Variants in TPST1 observed in about 807,000 individuals in gnomAD.
The protein encoded by TPST1 is tyrosylprotein sulfotransferase 1.
Under a neutral mutation model 34.8 loss-of-function variants are expected in TPST1, and 20 were observed. The observed-to-expected ratio is 0.57, with a 90% CI of 0.40 to 0.84. The LOEUF is 0.84. TPST1 is among the 40% of genes least tolerant of loss of function. TPST1 has a pLI of 0.00. For missense variants in TPST1, 353 were observed against 455.5 expected, an observed-to-expected ratio of 0.78 and a Z score of 2.05; for synonymous variants, 152 against 159.4, an observed-to-expected ratio of 0.95 and a Z score of 0.35.
chr7:66,278,907 A>G (rs1175375152), intron 2 of TPST1, among the ~76,000 whole-genome samples: 1 of 152,256 alleles, frequency 6.6e-6, no homozygotes, highest in Non-Finnish European at 1.5e-5. Context: ...AAACATACAT[A>G]TAACATGCAT....
intron 3 of TPST1, among the ~76,000 whole-genome samples, chr7:66,300,674 AG>A (rs1791296430): frequency 6.6e-6 from 1 of 152,204 alleles, no homozygotes; most frequent in Non-Finnish European, 1.5e-5. Context: ...GGCCAGGTGC[AG>A]TGTCTTAAAC....
intron 4 of TPST1, among the ~76,000 whole-genome samples, chr7:66,355,200 G>A (rs1792558059): frequency 6.6e-6 from 1 of 151,920 alleles, no homozygotes; most frequent in African/African-American, 2.4e-5. Flanking sequence ...GGAGCCGAGT[G>A]CAGTGACTCA....
chr7:66,217,038 A>T (rs937786608), intron 1 of TPST1, among the ~76,000 whole-genome samples: 1 of 151,656 alleles, frequency 6.6e-6, no homozygotes, highest in African/African-American at 2.4e-5. Context: ...ATTTTATTTC[A>T]TTTTGGTCAG....
intron 2 of TPST1, among the ~76,000 whole-genome samples, chr7:66,271,800 T>C (rs1159930785): frequency 6.6e-6 from 1 of 152,210 alleles, no homozygotes; most frequent in African/African-American, 2.4e-5. Flanking sequence ...ACCATTTCTT[T>C]AGCCATTCAT....
upstream of TPST1, among the ~76,000 whole-genome samples, chr7:66,203,138 T>C: frequency 6.6e-6 from 1 of 151,532 alleles, no homozygotes; most frequent in East Asian, 1.9e-4. Context: ...TCAGTTTTCT[T>C]ATCTATCTCT....
intron 3 of TPST1, among the ~76,000 whole-genome samples, chr7:66,318,667 A>G (rs1187406492): frequency 6.6e-6 from 1 of 152,064 alleles, no homozygotes; most frequent in East Asian, 1.9e-4. Flanking sequence ...GGGTTTCACC[A>G]TGTTGCCCAG....
intron 3 of TPST1, among the ~76,000 whole-genome samples, chr7:66,298,952 G>A (rs750782329): frequency 4.6e-5 from 7 of 151,824 alleles, no homozygotes; most frequent in Non-Finnish European, 7.4e-5. Context: ...TGAAACCCCC[G>A]TCTCTACTAA....
chr7:66,201,626 G>T (rs1428321172), upstream of TPST1, among the ~76,000 whole-genome samples: 1 of 151,934 alleles, frequency 6.6e-6, no homozygotes, highest in Non-Finnish European at 1.5e-5. Flanking sequence ...GGGAGGCAGA[G>T]GTTGCAGTCA....
intron 3 of TPST1, among the ~76,000 whole-genome samples, chr7:66,294,125 T>C (rs955370724): frequency 1.3e-5 from 2 of 152,224 alleles, no homozygotes; most frequent in African/African-American, 4.8e-5. Flanking sequence ...CCACCGTCCA[T>C]CTCCAGAACA....
intron 3 of TPST1, among the ~76,000 whole-genome samples, chr7:66,326,032 G>A (rs1369738375): frequency 6.6e-6 from 1 of 152,208 alleles, no homozygotes; most frequent in East Asian, 1.9e-4. Context: ...GTTGTATCCA[G>A]CAGGTTGCAA....
intron 3 of TPST1, among the ~76,000 whole-genome samples, chr7:66,302,537 T>C (rs567050311): frequency 1.3e-5 from 2 of 152,316 alleles, no homozygotes; most frequent in South Asian, 4.2e-4. Context: ...TCTTTCAGAT[T>C]CTAATTAATC....
At chr7:66,239,210 A>G (rs1168816129) in intron 1 of TPST1, among the ~76,000 whole-genome samples, 1 of 152,064 alleles carries the variant, frequency 6.6e-6, no homozygotes, top group Non-Finnish European at 1.5e-5. Context: ...CGAACTCCTG[A>G]GCTCAAATGA....
intron 3 of TPST1, among the ~76,000 whole-genome samples, chr7:66,323,233 G>A (rs1476091408): frequency 6.6e-6 from 1 of 151,988 alleles, no homozygotes; most frequent in Non-Finnish European, 1.5e-5. Context: ...TTCTTTAATT[G>A]GGCCATCTAT....
chr7:66,204,573 C>T (rs903840472), upstream of TPST1, among the ~76,000 whole-genome samples: 1 of 152,336 alleles, frequency 6.6e-6, no homozygotes, highest in Middle Eastern at 3.4e-3. Flanking sequence ...CTTCTCTAAT[C>T]CATGTCACTG....
intron 3 of TPST1, among the ~76,000 whole-genome samples, chr7:66,328,920 TTTTTTTTTTG>T (rs1791939966): frequency 9.5e-6 from 1 of 104,862 alleles, no homozygotes; most frequent in Non-Finnish European, 1.9e-5. Flanking sequence ...TTTTTTTTTT[TTTTTTTTTTG>T]AGACAGGGTC....
intron 3 of TPST1, among the ~76,000 whole-genome samples, chr7:66,333,226 T>G (rs1377507974): frequency 6.6e-6 from 1 of 152,204 alleles, no homozygotes; most frequent in African/African-American, 2.4e-5. Flanking sequence ...AAGCAGCAAA[T>G]ACAATTTACT....
intron 5 of TPST1, among the ~76,000 whole-genome samples, chr7:66,357,131 C>T (rs182745966): frequency 5.9e-5 from 9 of 152,340 alleles, no homozygotes; most frequent in Non-Finnish European, 8.8e-5. Context: ...TCATAATAAG[C>T]GCACAATAGT....
chr7:66,219,912 T>TGA (rs202144793), intron 1 of TPST1, among the ~76,000 whole-genome samples: 5 of 152,316 alleles, frequency 3.3e-5, no homozygotes, highest in East Asian at 3.9e-4. Flanking sequence ...CTTTACCTTA[T>TGA]TTTTCGTTGC....
At chr7:66,328,261 A>G (rs1319472688) in intron 3 of TPST1, among the ~76,000 whole-genome samples, 1 of 151,732 alleles carries the variant, frequency 6.6e-6, no homozygotes, top group Non-Finnish European at 1.5e-5. Context: ...TCCTGAGCTC[A>G]GGCAATCTTC....
Sources: allele counts gnomAD v4.1 joint callset (sites outside exome capture counted in the v4.1 genomes callset), GRCh38; gene constraint gnomAD v4.1.1; transcripts MANE v1.5; gene names NCBI Gene and HGNC (gene_info 2026-07-23, HGNC 2026-07-21).